TGM7: variants seen among roughly 807,000 people sequenced by gnomAD.
TGM7 encodes the protein protein-glutamine gamma-glutamyltransferase Z.
TGM7 carries 74 observed loss-of-function variants against 79.5 expected under a neutral mutation model. That is an observed-to-expected ratio of 0.93 (90% confidence interval 0.77 to 1.13). TGM7 has a LOEUF of 1.13. Among genes scored for constraint, TGM7 ranks in the 50% most tolerant of loss-of-function variants. TGM7 has a pLI of 0.00. For missense variants in TGM7, 912 were observed against 905.9 expected, an observed-to-expected ratio of 1.01 and a Z score of -0.09; for synonymous variants, 354 against 362.5, an observed-to-expected ratio of 0.98 and a Z score of 0.27.
intron 4 of TGM7, among the ~76,000 whole-genome samples, chr15:43,288,930 A>C (rs754883371): frequency 1.3e-5 from 2 of 152,194 alleles, no homozygotes; most frequent in African/African-American, 2.4e-5. Context: ...TCTCAAGAAA[A>C]AGAAAAAAAT....
chr15:43,293,806 T>C (rs1331563113), intron 1 of TGM7, among the ~76,000 whole-genome samples, 175 bp from the exon 2 acceptor site: 1 of 34,896 alleles, frequency 2.9e-5, no homozygotes, highest in Admixed American at 3.1e-4. Flanking sequence ...GGTGTGTGTG[T>C]GCGGGGGCGT....
At chr15:43,286,886 A>T (rs1022057126) in intron 6 of TGM7, among the ~76,000 whole-genome samples, 3 of 152,212 alleles carry the variant, frequency 2.0e-5, no homozygotes, top group Non-Finnish European at 2.9e-5. Flanking sequence ...GGGGGCTGCT[A>T]GCTCTGCCTA....
chr15:43,277,993 GC>G (rs1417957032), intron 11 of TGM7, among the ~76,000 whole-genome samples: 1 of 152,262 alleles, frequency 6.6e-6, no homozygotes. Context: ...ACACGGCAGG[GC>G]CCTGGCCACA....
chr15:43,284,202 A>G (rs887646108), intron 7 of TGM7, among the ~76,000 whole-genome samples: 3 of 152,216 alleles, frequency 2.0e-5, no homozygotes, highest in African/African-American at 2.4e-5. Context: ...CCATCTCAAA[A>G]ACAAACAAAC....
rs143861603 is a variant in TGM7 at position 43,282,520 on chromosome 15, T to C, written c.1105A>G (p.Ser369Gly). 2.9e-4 allele frequency: 453 copies of C among 1,585,362 alleles called. No homozygotes were observed. The highest frequency in any genetic ancestry group is 3.5e-4 in the Non-Finnish European group (410 of 1,164,542). Reference sequence around the variant, plus strand: ...TGTTGCAATGGTCCTCACTCACCACTGCTGGTCTGCTGGGGAGTGGGGTCC... The same window carrying C: ...TGTTGCAATGGTCCTCACTCACCACCGCTGGTCTGCTGGGGAGTGGGGTCC... ...VLDPTPQQTS[S>G]GLFCCGPASV... The change falls in exon 8 of 13, where the codon AGT becomes GGT. Residue 369 changes from serine (S) to glycine (G), a missense_variant. Physicochemically the swap from Ser to Gly is moderately conservative, Grantham distance 56. Transcript: ENST00000452443.
chr15:43,292,431 C>A (rs375088175), intron 3 of TGM7, among the ~76,000 whole-genome samples: 1 of 152,162 alleles, frequency 6.6e-6, no homozygotes, highest in South Asian at 2.1e-4. Context: ...AGACACCCAC[C>A]GTTATGTTTT....
chr15:43,284,005 C>T (rs948106328), intron 7 of TGM7, among the ~76,000 whole-genome samples: 1 of 152,074 alleles, frequency 6.6e-6, no homozygotes, highest in Non-Finnish European at 1.5e-5. Flanking sequence ...GTCAAGAGTT[C>T]GAGACCAACA....
In TGM7 at chr15:43,279,948, G is replaced by C; in HGVS notation, c.1355C>G (p.Ser452Cys). Residue 452 changes from serine to cysteine, a missense_variant, in exon 10 of 13, where the codon TCC (serine) becomes TGC (cysteine). Physicochemically the swap from Ser to Cys is moderately radical, Grantham distance 112. Transcript: ENST00000452443. Reference sequence around the variant, plus strand: ...CATGAAGACAGCTCTCTCCTCAGGGGATCCTGCAGAAGGGAGAGGTAGGAG... The same window carrying C: ...CATGAAGACAGCTCTCTCCTCAGGGCATCCTGCAGAAGGGAGAGGTAGGAG... Reference protein sequence around the residue: ...ITSSYKYPEGSPEERAVFMKA... With the variant: ...ITSSYKYPEGCPEERAVFMKA... 1 of 1,613,346 alleles carries C rather than the reference G, an allele frequency of 6.2e-7. No individual in the cohort carries two copies. The highest frequency in any genetic ancestry group is 2.2e-5 in the East Asian group (1 of 44,880).
chr15:43,297,563 C>G (rs1373407377), intron 1 of TGM7, among the ~76,000 whole-genome samples: 1 of 131,628 alleles, frequency 7.6e-6, no homozygotes, highest in Non-Finnish European at 1.6e-5. Context: ...AAGAAAGGGA[C>G]ATTGAAACAG....
intron 1 of TGM7, among the ~76,000 whole-genome samples, chr15:43,296,815 C>G (rs938691295): frequency 2.6e-5 from 4 of 152,156 alleles, no homozygotes; most frequent in African/African-American, 9.7e-5. Flanking sequence ...TCATTCTCCA[C>G]TGGACACTCA....
rs1348192404 is a variant in TGM7, at chr15:43,279,655, T to C, written c.1648A>G (p.Thr550Ala). ...GGTQKPFWRH[T>A]VRMNLDFGKE... ...CCAAAGTCCAGGTTCATCCGCACTG[T>C]GTGCCTCCAGAAGGGCTTCTGGGTA... Residue 550 changes from threonine to alanine, a missense_variant, in exon 10 of 13, where the codon ACA (threonine) becomes GCA (alanine). Transcript: ENST00000452443. 6.2e-7 allele frequency: 1 copy of C among 1,608,852 alleles called. No homozygotes were observed. Among genetic ancestry groups the C allele is most frequent in the African/African-American group, 1.3e-5 (1 of 74,848 alleles).
In TGM7 at chr15:43,287,413, G is replaced by A. The variant is rs765744133; in HGVS notation, c.732C>T (p.Gly244=). 31 of 1,613,922 alleles carry A rather than the reference G, an allele frequency of 1.9e-5. No homozygotes were observed. Among genetic ancestry groups the A allele is most frequent in the Middle Eastern group, 1.6e-4 (1 of 6,084 alleles). ...GACTGACCCCTTTGGAGTAGTCCTC[G>A]CCCCAGTTCCCCTGCAGCACGCCAT... is the stretch of plus-strand genomic sequence containing the variant. ...DDNGVLQGNW[G]EDYSKGVSPL... is the part of the protein sequence containing the mutation. Residue 244 remains glycine, a synonymous_variant, in exon 6 of 13, where the codon GGC becomes GGT. Transcript: ENST00000452443.
chr15:43,288,404 G>A (rs908402115), intron 4 of TGM7, among the ~76,000 whole-genome samples: 15 of 152,106 alleles, frequency 9.9e-5, no homozygotes, highest in African/African-American at 2.4e-4. Context: ...GAGAAACTAC[G>A]CCTGCGGGGG....
rs1398460507 is a variant in TGM7, at chr15:43,276,876, C to T, written c.1959G>A (p.Gly653=). The part of the protein sequence containing the change: ...MVLEGSGLIN[G]QIAKDLGTLV... ...GCGTCACTTACTCCTTTGCTATCTG[C>T]CCATTGATGAGGCCGCTTCCTTCCA... The change falls in exon 12 of 13, where the codon GGG becomes GGA. Residue 653 remains glycine, a synonymous_variant. Coordinates refer to ENST00000452443, the MANE Select transcript of TGM7 (RefSeq NM_052955.3). 2.5e-6 allele frequency: 4 copies of T among 1,613,954 alleles called. No individual in the cohort carries two copies. The Admixed American group carries it at 5.0e-5, about 20-fold the overall frequency.
At chr15:43,288,733 C>A (rs1471113144) in intron 4 of TGM7, among the ~76,000 whole-genome samples, 1 of 152,076 alleles carries the variant, frequency 6.6e-6, no homozygotes, top group African/African-American at 2.4e-5. Flanking sequence ...AGTTCGAGAC[C>A]AGCCTGGCCA....
At chr15:43,293,312 G>T in intron 2 of TGM7, 137 bp downstream of exon 2, 1 of 1,164,032 alleles carries the variant, frequency 8.6e-7, no homozygotes, top group Non-Finnish European at 1.2e-6. Context: ...AGGGTCCTGA[G>T]CATGAGGGGT....
chr15:43,281,884 G>A lies in TGM7; in HGVS notation c.1311C>T (p.Asp437=). Residue 437 remains aspartate, a synonymous_variant, in exon 9 of 13, where the codon GAC becomes GAT. Coordinates refer to ENST00000452443, the MANE Select transcript of TGM7 (RefSeq NM_052955.3). ...AGGAGCTGGTGATGCTCTGGCGCTG[G>A]TCTGACCCCACCATCTTAGTGCTGA... The part of the protein sequence containing the change: ...KEISTKMVGS[D]QRQSITSSYK... The A allele has an allele frequency of 1.9e-6, 3 of 1,614,202 alleles. No individual in the cohort carries two copies. The highest frequency in any genetic ancestry group is 2.5e-6 in the Non-Finnish European group (3 of 1,180,028).
At chr15:43,300,114 C>A (rs2043018721) in intron 1 of TGM7, among the ~76,000 whole-genome samples, 1 of 152,208 alleles carries the variant, frequency 6.6e-6, no homozygotes, top group Non-Finnish European at 1.5e-5. Context: ...TCCATTGTAC[C>A]CATTCTTCAA....
intron 1 of TGM7, among the ~76,000 whole-genome samples, chr15:43,296,221 T>G (rs765907955): frequency 6.6e-6 from 1 of 151,916 alleles, no homozygotes; most frequent in Non-Finnish European, 1.5e-5. Flanking sequence ...GTCAGGAGAT[T>G]GAGACCATCC....
Sources: gnomAD v4.1 joint callset for allele counts (sites outside exome capture counted in the v4.1 genomes callset) on GRCh38, gnomAD v4.1.1 for gene constraint, MANE v1.5 for transcripts, NCBI Gene and HGNC (gene_info 2026-07-23, HGNC 2026-07-21) for gene names.